The following SPIRE1 variants were observed in gnomAD, a reference collection of about 807,000 sequenced individuals.
SPIRE1 encodes the protein protein spire homolog 1.
SPIRE1 carries 40 observed loss-of-function variants against 94.1 expected under a neutral mutation model. The ratio of observed to expected loss-of-function variants is 0.43; its 90% confidence interval spans 0.33 to 0.55. SPIRE1 has a LOEUF of 0.55. Among genes scored for constraint, SPIRE1 ranks in the 20% least tolerant of loss-of-function variants. SPIRE1 has a pLI of 0.06. For missense variants in SPIRE1, 838 were observed against 975.2 expected, an observed-to-expected ratio of 0.86 and a Z score of 1.87; for synonymous variants, 376 against 371.7, an observed-to-expected ratio of 1.01 and a Z score of -0.13.
chr18:12,489,168 A>T (rs892068085), intron 8 of SPIRE1, among the ~76,000 whole-genome samples: 1 of 152,180 alleles, frequency 6.6e-6, no homozygotes, highest in Non-Finnish European at 1.5e-5. Flanking sequence ...AGCCTGGGAG[A>T]CAGTGCGAGA....
At chr18:12,546,024 C>G (rs1220295696) in intron 3 of SPIRE1, among the ~76,000 whole-genome samples, 6 of 152,184 alleles carry the variant, frequency 3.9e-5, no homozygotes, top group Non-Finnish European at 4.4e-5. Flanking sequence ...GAGTCTCGCT[C>G]TGTCACCCAG....
chr18:12,457,834 CTTTTCTT>C (rs1471272010), intron 12 of SPIRE1, among the ~76,000 whole-genome samples: 19 of 146,082 alleles, frequency 1.3e-4, no homozygotes, highest in Non-Finnish European at 2.4e-4. Flanking sequence ...AGTCACCTTT[CTTTTCTT>C]TTTTCTTTTT....
At chr18:12,465,002 T>C (rs370087124) in intron 10 of SPIRE1, 44 bp from the exon 11 acceptor site, 1 of 1,502,670 alleles carries the variant, frequency 6.7e-7, no homozygotes, top group South Asian at 1.1e-5. Flanking sequence ...TAGACATTTG[T>C]GCTCTAGTGC....
At chr18:12,642,011 C>T (rs8085850) in intron 1 of SPIRE1, among the ~76,000 whole-genome samples, 68,997 of 151,116 alleles carry the variant, frequency 0.46, 16,254 homozygotes, top group Middle Eastern at 0.54. Flanking sequence ...TTTGTATTTT[C>T]AGTAGAAATG....
chr18:12,605,293 C>T lies in SPIRE1; in HGVS notation c.372+29769G>A, dbSNP rs970048877. On this transcript the variant is annotated intron_variant, in intron 2 of 16. Coordinates refer to ENST00000409402, the MANE Select transcript of SPIRE1 (RefSeq NM_001128626.2). ...CAGCACTTTGGGAGGCCGAGGTGGG[C>T]GGACCATGAGGTCAGGAAATGGTCA... 2.6e-5 allele frequency among the ~76,000 whole-genome samples: 4 copies of T among 151,922 alleles called. No homozygotes were observed. In the East Asian group the frequency reaches 5.8e-4, roughly 22 times the overall value.
chr18:12,543,982 A>G (rs2035082592), intron 3 of SPIRE1, among the ~76,000 whole-genome samples: 1 of 152,170 alleles, frequency 6.6e-6, no homozygotes, highest in South Asian at 2.1e-4. Flanking sequence ...TTACTTGTAA[A>G]ATGTTTCAGC....
intron 1 of SPIRE1, 121 bp downstream of exon 1, chr18:12,657,409 G>A: frequency 5.0e-6 from 4 of 807,610 alleles, no homozygotes; most frequent in Non-Finnish European, 6.6e-6. Flanking sequence ...TCCTCCCGGG[G>A]GTCTCCCGTG....
chr18:12,660,568 G>A (rs761606147), upstream of SPIRE1, among the ~76,000 whole-genome samples: 44 of 152,046 alleles, frequency 2.9e-4, no homozygotes, highest in Non-Finnish European at 5.3e-4. Flanking sequence ...TGGTCCACCC[G>A]CCTCAGCCTC....
chr18:12,607,309 A>G (rs987066696), intron 2 of SPIRE1, among the ~76,000 whole-genome samples: 4 of 152,188 alleles, frequency 2.6e-5, no homozygotes, highest in African/African-American at 9.7e-5. Flanking sequence ...GACATTTTCC[A>G]TCTCAATTCC....
intron 2 of SPIRE1, among the ~76,000 whole-genome samples, chr18:12,597,839 A>G (rs1158734739): frequency 6.6e-6 from 1 of 152,210 alleles, no homozygotes; most frequent in African/African-American, 2.4e-5. Context: ...AATGGCACAG[A>G]TGCCCACATG....
At chr18:12,661,334 G>A (rs2038692433), upstream of SPIRE1, 1 of 981,890 alleles carries the variant, frequency 1.0e-6, no homozygotes, top group Admixed American at 6.2e-5. Context: ...AAATTGATAA[G>A]CCTTACCGTC....
intron 2 of SPIRE1, among the ~76,000 whole-genome samples, chr18:12,598,271 C>T (rs115113653): frequency 0.018 from 2,755 of 152,268 alleles, 62 homozygotes; most frequent in African/African-American, 0.052. Flanking sequence ...TTCAAGAACA[C>T]TCCCTAAATT....
chr18:12,572,197 T>C (rs1598483484), intron 2 of SPIRE1, among the ~76,000 whole-genome samples: 1 of 150,666 alleles, frequency 6.6e-6, no homozygotes, highest in South Asian at 2.1e-4. Flanking sequence ...CTTGGGGGGG[T>C]CAATTACACA....
At chr18:12,589,406 G>T (rs1034699579) in intron 2 of SPIRE1, among the ~76,000 whole-genome samples, 5 of 152,160 alleles carry the variant, frequency 3.3e-5, no homozygotes, top group Non-Finnish European at 7.3e-5. Context: ...AAGGAAGGAG[G>T]TCTGAAGGCC....
chr18:12,614,989 G>C (rs2037244449), intron 2 of SPIRE1, among the ~76,000 whole-genome samples: 1 of 151,738 alleles, frequency 6.6e-6, no homozygotes, highest in Admixed American at 6.6e-5. Context: ...AGGAGTTCGA[G>C]ACCAGGCTGG....
chr18:12,567,066 A>T (rs2035839205), intron 2 of SPIRE1, among the ~76,000 whole-genome samples: 1 of 152,220 alleles, frequency 6.6e-6, no homozygotes, highest in African/African-American at 2.4e-5. Context: ...TCATCTAAGT[A>T]GAAAATACAA....
rs1045539918 is a variant in SPIRE1, at chr18:12,475,009, G to C, written c.1404+4690C>G. On this transcript the variant is annotated intron_variant, in intron 10 of 16. Transcript: ENST00000409402. ...GAGTCTTCACTTGGTCTTTGCTCAT[G>C]GTGCAACGTCAGCCAGGAATTCACT... 3.9e-5 allele frequency among the ~76,000 whole-genome samples: 6 copies of C among 152,212 alleles called. 1 individual carries two copies. Among genetic ancestry groups the C allele is most frequent in the Admixed American group, 3.9e-4 (6 of 15,288 alleles).
At chr18:12,487,159 T>C (rs2033067639) in intron 8 of SPIRE1, among the ~76,000 whole-genome samples, 1 of 152,218 alleles carries the variant, frequency 6.6e-6, no homozygotes, top group Non-Finnish European at 1.5e-5. Flanking sequence ...GGCCAATTCA[T>C]AAGTTTTAAA....
intron 12 of SPIRE1, among the ~76,000 whole-genome samples, chr18:12,459,600 C>T (rs553070558): frequency 7.4e-4 from 113 of 152,340 alleles, no homozygotes; most frequent in African/African-American, 2.5e-3. Context: ...ACTGAGACCA[C>T]GGCATGATCG....
Sources: allele counts gnomAD v4.1 joint callset (sites outside exome capture counted in the v4.1 genomes callset), GRCh38; gene constraint gnomAD v4.1.1; transcripts MANE v1.5; gene names NCBI Gene and HGNC (gene_info 2026-07-23, HGNC 2026-07-21).